LINGO2: variants seen among roughly 807,000 people sequenced by gnomAD.
LINGO2 encodes leucine rich repeat and Ig domain containing 2.
A neutral mutation model predicts 30.6 loss-of-function variants in LINGO2; 14 were observed. The observed-to-expected ratio is 0.46, with a 90% CI of 0.30 to 0.72. The LOEUF (loss-of-function observed/expected upper bound fraction) is 0.72. Ranked by LOEUF, LINGO2 falls within the 30% of genes least tolerant of loss-of-function variation. The pLI is 0.07. For synonymous variants in LINGO2, 317 were observed against 288.5 expected (o/e 1.10, Z -1.00); for missense variants, 729 against 751.7 (o/e 0.97, Z 0.35).
Position 28,027,454 on chromosome 9 carries a change from T to C in LINGO2, c.-86-15049A>G, listed in dbSNP as rs938903473. 5.3e-5 allele frequency among the ~76,000 whole-genome samples: 8 copies of C among 151,050 alleles called. No individual in the cohort carries two copies. In the South Asian group the frequency reaches 8.3e-4, roughly 16 times the overall value. ...GTGTGCCAGTTTATTGAACTACACA[T>C]AATCACAAAAAAATTATTCAGCACC... On this transcript the variant is annotated intron_variant, in intron 4 of 5. Coordinates refer to ENST00000379992, the Ensembl canonical transcript of LINGO2.
chr9:29,094,818 G>A, the LINGO2 span, among the ~76,000 whole-genome samples: 221 of 138,612 alleles, frequency 1.6e-3, 37 homozygotes, highest in Non-Finnish European at 3.8e-4. Context: ...GTGTCTACTA[G>A]ACATTTTTAA....
chr9:29,063,647 G>A, the LINGO2 span, among the ~76,000 whole-genome samples: 2 of 151,940 alleles, frequency 1.3e-5, no homozygotes, highest in African/African-American at 4.8e-5. Flanking sequence ...TAATCTGCCT[G>A]CCTCCACCTC....
chr9:28,738,330 C>T, the LINGO2 span, among the ~76,000 whole-genome samples: 1 of 151,964 alleles, frequency 6.6e-6, no homozygotes, highest in Non-Finnish European at 1.5e-5. Flanking sequence ...AAGCTAGCAA[C>T]CAAATAAACC....
intron 4 of LINGO2, among the ~76,000 whole-genome samples, chr9:28,083,520 C>T (rs949775422): frequency 6.6e-6 from 1 of 152,132 alleles, no homozygotes; most frequent in African/African-American, 2.4e-5. Flanking sequence ...TTACAGTTTC[C>T]TCTGTGGCAC....
the LINGO2 span, among the ~76,000 whole-genome samples, chr9:28,796,934 T>G: frequency 6.6e-6 from 1 of 151,802 alleles, no homozygotes; most frequent in Admixed American, 6.6e-5. Flanking sequence ...GGTGGCTGTG[T>G]GTGCATGTGA....
intron 4 of LINGO2, among the ~76,000 whole-genome samples, chr9:28,224,931 T>C (rs1373753605): frequency 6.6e-6 from 1 of 151,932 alleles, no homozygotes; most frequent in African/African-American, 2.4e-5. Context: ...CATAGACCAA[T>C]GGAACAGAAT....
At chr9:28,423,195 T>C (rs57371504) in intron 2 of LINGO2, among the ~76,000 whole-genome samples, 18,865 of 152,066 alleles carry the variant, frequency 0.12, 1,364 homozygotes, top group East Asian at 0.24. Flanking sequence ...TCATGTGTAT[T>C]CCACCACAAT....
At chr9:28,797,347 T>TAG in the LINGO2 span, among the ~76,000 whole-genome samples, 28 of 68,246 alleles carry the variant, frequency 4.1e-4, no homozygotes, top group African/African-American at 9.8e-4. Flanking sequence ...TATATATATA[T>TAG]ATATATATAT....
chr9:28,287,661 C>A (rs1018857167), intron 4 of LINGO2, among the ~76,000 whole-genome samples: 1 of 152,066 alleles, frequency 6.6e-6, no homozygotes, highest in African/African-American at 2.4e-5. Flanking sequence ...AAGGATAAAG[C>A]CAGAGAGAAA....
chr9:28,093,814 CT>C (rs373076840), intron 4 of LINGO2, among the ~76,000 whole-genome samples: 1 of 152,100 alleles, frequency 6.6e-6, no homozygotes, highest in African/African-American at 2.4e-5. Context: ...CCGGGAAGAC[CT>C]TGAAATGTGT....
intron 4 of LINGO2, among the ~76,000 whole-genome samples, chr9:28,055,721 A>C (rs1002884953): frequency 2.6e-5 from 4 of 152,180 alleles, no homozygotes; most frequent in African/African-American, 9.6e-5. Flanking sequence ...AAATTCTTTA[A>C]AAGATATGTA....
At chr9:28,814,832 T>G in the LINGO2 span, among the ~76,000 whole-genome samples, 5 of 151,974 alleles carry the variant, frequency 3.3e-5, no homozygotes, top group Non-Finnish European at 5.9e-5. Context: ...TCATTTTGGG[T>G]CAAGAGCAAA....
At chr9:28,187,470 A>C (rs1363552409) in intron 4 of LINGO2, among the ~76,000 whole-genome samples, 1 of 146,996 alleles carries the variant, frequency 6.8e-6, no homozygotes, top group African/African-American at 2.5e-5. Context: ...AACCTGAGTG[A>C]CAGAGCGAGA....
chr9:28,944,396 C>T, the LINGO2 span, among the ~76,000 whole-genome samples: 2 of 151,862 alleles, frequency 1.3e-5, no homozygotes, highest in Non-Finnish European at 1.5e-5. Flanking sequence ...ACCTAAAATG[C>T]TTTTGGGTTT....
At chr9:28,311,809 C>T (rs550535854) in intron 3 of LINGO2, among the ~76,000 whole-genome samples, 6 of 151,948 alleles carry the variant, frequency 3.9e-5, no homozygotes, top group South Asian at 2.1e-4. Context: ...CCTTAGCTTA[C>T]GAAGATGATG....
chr9:28,938,911 G>C, the LINGO2 span, among the ~76,000 whole-genome samples: 2 of 152,112 alleles, frequency 1.3e-5, no homozygotes, highest in Non-Finnish European at 2.9e-5. Flanking sequence ...TAAGAAATAA[G>C]AGCTCACACG....
chr9:28,656,264 G>C (rs1435893879), intron 1 of LINGO2, among the ~76,000 whole-genome samples: 3 of 151,842 alleles, frequency 2.0e-5, no homozygotes, highest in African/African-American at 7.3e-5. Context: ...AAAAAAAATA[G>C]CATATTTACA....
At chr9:28,200,237 T>G (rs577500338) in intron 4 of LINGO2, among the ~76,000 whole-genome samples, 1 of 152,326 alleles carries the variant, frequency 6.6e-6, no homozygotes, top group Non-Finnish European at 1.5e-5. Flanking sequence ...ATAGGTAACC[T>G]TGCCTCTGGA....
chr9:27,987,680 C>T (rs1350708620), intron 5 of LINGO2, among the ~76,000 whole-genome samples: 1 of 151,878 alleles, frequency 6.6e-6, no homozygotes, highest in Non-Finnish European at 1.5e-5. Context: ...ACTCCTTGGC[C>T]TTGTAAGTGA....
Sources: allele counts gnomAD v4.1 joint callset (sites outside exome capture counted in the v4.1 genomes callset), GRCh38; gene constraint gnomAD v4.1.1; transcripts MANE v1.5; gene names NCBI Gene and HGNC (gene_info 2026-07-23, HGNC 2026-07-21).